Variants in HEPH observed in about 807,000 individuals in gnomAD.
HEPH encodes the protein hephaestin.
A neutral mutation model predicts 80.8 loss-of-function variants in HEPH; 69 were observed. That is an observed-to-expected ratio of 0.85 (90% confidence interval 0.70 to 1.04). HEPH has a LOEUF of 1.04. HEPH is among the 50% of genes least tolerant of loss of function. The pLI is 0.00. For missense variants in HEPH, 1,115 were observed against 891.3 expected (o/e 1.25, Z -3.20); for synonymous variants, 431 against 322.8 (o/e 1.34, Z -3.60).
chrX:66,207,811 C>T (rs768256937), intron 14 of HEPH, among the ~76,000 whole-genome samples: 179 of 111,216 alleles, frequency 1.6e-3, no homozygotes, highest in Non-Finnish European at 2.6e-3. Flanking sequence ...TCAATGATTC[C>T]ACAGCACCTT....
chrX:66,196,524 T>C (rs1227059822), intron 9 of HEPH, among the ~76,000 whole-genome samples: 1 of 112,223 alleles, frequency 8.9e-6, no homozygotes, highest in Non-Finnish European at 1.9e-5. Flanking sequence ...TGAATGTTTT[T>C]ATAAACCTTT....
chrX:66,249,721 G>A (rs1424598544), intron 15 of HEPH, among the ~76,000 whole-genome samples: 1 of 111,766 alleles, frequency 8.9e-6, no homozygotes, highest in African/African-American at 3.3e-5. Flanking sequence ...ATCACTTAGA[G>A]GGATTGTTAG....
intron 4 of HEPH, among the ~76,000 whole-genome samples, chrX:66,180,843 C>T (rs1466815971): frequency 3.1e-5 from 2 of 63,506 alleles, no homozygotes; most frequent in Non-Finnish European, 5.7e-5. Context: ...GCTATCCCTC[C>T]CCCCTCCCCC....
chrX:66,266,592 C>G lies in HEPH; in HGVS notation c.3397C>G (p.Gln1133Glu), dbSNP rs903305863. ...VLALGGVVWY[Q>E]HRQRKLRRNR... ...GGCTCTTGGTGGAGTGGTTTGGTAC[C>G]AACATCGACAGAGAAAGCTACGACG... Residue 1133 changes from glutamine to glutamate, a missense_variant, in exon 21 of 21, where the codon CAA (glutamine) becomes GAA (glutamate). Gln to Glu is a conservative substitution (Grantham distance 29, BLOSUM62 2). Transcript: ENST00000343002. 5 of 1,210,158 alleles carry G rather than the reference C, an allele frequency of 4.1e-6. No individual in the cohort carries two copies. In the East Asian group the frequency reaches 1.5e-4, roughly 36 times the overall value.
At chrX:66,216,699 A>G (rs1030614315) in intron 15 of HEPH, among the ~76,000 whole-genome samples, 1 of 112,168 alleles carries the variant, frequency 8.9e-6, no homozygotes, top group Non-Finnish European at 1.9e-5. Context: ...CCTTACAGCA[A>G]TGGATCCAAA....
chrX:66,201,960 TC>T (rs2088483884), intron 12 of HEPH, among the ~76,000 whole-genome samples: 1 of 112,342 alleles, frequency 8.9e-6, no homozygotes, highest in Non-Finnish European at 1.9e-5. Flanking sequence ...GTAGACCCTT[TC>T]TTTCAACGTG....
intron 15 of HEPH, among the ~76,000 whole-genome samples, chrX:66,218,321 A>T (rs1443128520): frequency 8.9e-6 from 1 of 112,023 alleles, no homozygotes; most frequent in East Asian, 2.8e-4. Flanking sequence ...CAAATTTAAG[A>T]AAACTGAAAT....
chrX:66,218,174 C>G (rs1468871133), intron 15 of HEPH, among the ~76,000 whole-genome samples: 1 of 111,347 alleles, frequency 9.0e-6, no homozygotes, highest in Non-Finnish European at 1.9e-5. Flanking sequence ...ATACCTAGAA[C>G]AATTGGACTT....
chrX:66,225,120 C>G (rs771709130), intron 15 of HEPH, among the ~76,000 whole-genome samples: 1 of 111,398 alleles, frequency 9.0e-6, no homozygotes, highest in Non-Finnish European at 1.9e-5. Context: ...AACAAGGGAC[C>G]TGTCCAGGCT....
At chrX:66,260,658 A>C (rs960655425) in intron 19 of HEPH, among the ~76,000 whole-genome samples, 1 of 112,778 alleles carries the variant, frequency 8.9e-6, no homozygotes, top group African/African-American at 3.2e-5. Context: ...TGATTATTTC[A>C]AGGAATATTG....
chrX:66,256,201 T>C lies in HEPH; in HGVS notation c.2767T>C (p.Leu923=), dbSNP rs756579530. Residue 923 remains leucine, a synonymous_variant, in exon 17 of 21, where the codon TTG becomes CTG. Transcript: ENST00000343002. ...GRSDMDREFA[L]LFLIFDENKS... ...GAGTGACATGGATCGGGAATTTGCA[T>C]TGTTGTTCTTGATTTTTGATGAAAA... 24 of 1,208,977 alleles carry C rather than the reference T, an allele frequency of 2.0e-5. No individual in the cohort carries two copies. Among genetic ancestry groups the C allele is most frequent in the Non-Finnish European group, 2.6e-5 (23 of 894,183 alleles).
At chrX:66,207,106 C>T (rs2088825945) in intron 13 of HEPH, 89 bp from the exon 14 acceptor site, 1 of 800,071 alleles carries the variant, frequency 1.2e-6, no homozygotes, top group Admixed American at 3.4e-5. Flanking sequence ...TGACATGAAG[C>T]TGGTTCTGAC....
At chrX:66,172,257 CAAAG>C in intron 2 of HEPH, 94 bp from the exon 3 acceptor site, 1 of 833,703 alleles carries the variant, frequency 1.2e-6, no homozygotes, top group South Asian at 3.0e-5. Flanking sequence ...TTGTCCTAAA[CAAAG>C]ATAGTCACTT....
chrX:66,246,056 G>A (rs1026321620), intron 15 of HEPH, among the ~76,000 whole-genome samples: 4 of 111,929 alleles, frequency 3.6e-5, no homozygotes, highest in East Asian at 2.8e-4. Flanking sequence ...GGGAACATGG[G>A]GTTGTGCCTG....
chrX:66,243,348 A>T (rs1308554880), intron 15 of HEPH, among the ~76,000 whole-genome samples: 4 of 112,219 alleles, frequency 3.6e-5, no homozygotes. Context: ...AGGGTGGAGG[A>T]TGCCAGGAGG....
intron 12 of HEPH, 25 bp downstream of exon 12, chrX:66,200,777 A>G (rs2088395298): frequency 8.6e-7 from 1 of 1,161,534 alleles, no homozygotes; most frequent in Non-Finnish European, 1.2e-6. Flanking sequence ...AGCTGGCCCT[A>G]GAGGCTTTGT....
At chrX:66,179,214 A>C (rs1365594480) in intron 4 of HEPH, among the ~76,000 whole-genome samples, 1 of 111,990 alleles carries the variant, frequency 8.9e-6, no homozygotes, top group Non-Finnish European at 1.9e-5. Flanking sequence ...TCCTTTCGCC[A>C]TTTCTTGTTT....
At chrX:66,262,010 A>G (rs148306709) in intron 19 of HEPH, among the ~76,000 whole-genome samples, 4 of 112,535 alleles carry the variant, frequency 3.6e-5, no homozygotes, top group Admixed American at 1.9e-4. Context: ...GACCATTTCA[A>G]TACATATTGC....
chrX:66,236,752 T>G, intron 15 of HEPH, among the ~76,000 whole-genome samples: 1 of 111,359 alleles, frequency 9.0e-6, no homozygotes, highest in South Asian at 3.8e-4. Flanking sequence ...TGCTCTTTTT[T>G]TATGGAGGAT....
Sources: allele counts gnomAD v4.1 joint callset (sites outside exome capture counted in the v4.1 genomes callset), GRCh38; gene constraint gnomAD v4.1.1; transcripts MANE v1.5; gene names NCBI Gene and HGNC (gene_info 2026-07-23, HGNC 2026-07-21).